The following FARP2 variants were observed in gnomAD, a reference collection of about 807,000 sequenced individuals.
FARP2 encodes the protein FERM, ARH/RhoGEF and pleckstrin domain protein 2, also known as FERM, ARHGEF and pleckstrin domain-containing protein 2.
Under a neutral mutation model 130.5 loss-of-function variants are expected in FARP2, and 111 were observed. That is an observed-to-expected ratio of 0.85 (90% CI 0.73 to 1.00). The LOEUF (loss-of-function observed/expected upper bound fraction) is 1.00. Ranked by LOEUF, FARP2 falls within the 50% of genes least tolerant of loss-of-function variation. The probability of loss-of-function intolerance (pLI) is 0.00; values close to 1 mark genes in which losing one functional copy is unlikely to be tolerated. For missense variants in FARP2, 1,385 were observed against 1,346.3 expected (o/e 1.03, Z -0.45); for synonymous variants, 504 against 516.9 (o/e 0.98, Z 0.34).
chr2:241,386,209 C>T (rs2061779524), intron 2 of FARP2, among the ~76,000 whole-genome samples: 1 of 152,100 alleles, frequency 6.6e-6, no homozygotes, highest in African/African-American at 2.4e-5. Flanking sequence ...CTGCCCATCT[C>T]AGCCTTCCAA....
At position 241,409,141 on chromosome 2, in the gene FARP2, C is replaced by G. The variant is rs1472888962; in HGVS notation, c.410+1526C>G. 2.0e-5 allele frequency among the ~76,000 whole-genome samples: 3 copies of G among 152,110 alleles called. No homozygotes were observed. The East Asian group carries it at 5.8e-4, about 29-fold the overall frequency. On this transcript the variant is annotated intron_variant, in intron 5 of 26. Coordinates refer to ENST00000264042, the MANE Select transcript of FARP2 (RefSeq NM_014808.4). Reference sequence around the variant, plus strand: ...GGATCCTGGGTCTCAAGTTCTAGGACTCATGCTGATAACTCAGTATTATAG... The same window carrying G: ...GGATCCTGGGTCTCAAGTTCTAGGAGTCATGCTGATAACTCAGTATTATAG...
intron 24 of FARP2, among the ~76,000 whole-genome samples, chr2:241,492,325 G>A (rs1203280744): frequency 6.6e-6 from 1 of 152,176 alleles, no homozygotes; most frequent in Non-Finnish European, 1.5e-5. Context: ...GCAGGTCCCT[G>A]ACCTGGGCCC....
At chr2:241,378,026 G>A (rs982920829) in intron 2 of FARP2, among the ~76,000 whole-genome samples, 1 of 152,026 alleles carries the variant, frequency 6.6e-6, no homozygotes, top group African/African-American at 2.4e-5. Flanking sequence ...ATTTTTTTCT[G>A]ACTTTTTTAT....
intron 9 of FARP2, 33 bp from the exon 10 acceptor site, chr2:241,434,125 T>C: frequency 1.3e-6 from 2 of 1,531,104 alleles, no homozygotes; most frequent in Non-Finnish European, 1.8e-6. Flanking sequence ...TACTTCATTC[T>C]TGAATTAATT....
chr2:241,429,798 A>T (rs2063047523), intron 8 of FARP2, among the ~76,000 whole-genome samples: 3 of 152,154 alleles, frequency 2.0e-5, no homozygotes, highest in Non-Finnish European at 4.4e-5. Context: ...AAAATAGAAA[A>T]TTAGCCAGGA....
At chr2:241,417,749 A>C (rs1033808906) in intron 7 of FARP2, among the ~76,000 whole-genome samples, 1 of 152,232 alleles carries the variant, frequency 6.6e-6, no homozygotes, top group Non-Finnish European at 1.5e-5. Flanking sequence ...ACCCGTTACA[A>C]AGTAGTTACA....
intron 3 of FARP2, among the ~76,000 whole-genome samples, 186 bp from the exon 4 acceptor site, chr2:241,404,613 G>A (rs928465277): frequency 6.6e-6 from 1 of 152,176 alleles, no homozygotes; most frequent in Non-Finnish European, 1.5e-5. Context: ...GCTTCCCAAA[G>A]CAGGCATTGC....
At chr2:241,426,547 C>T (rs1045267693) in intron 8 of FARP2, among the ~76,000 whole-genome samples, 2 of 152,108 alleles carry the variant, frequency 1.3e-5, no homozygotes, top group African/African-American at 4.8e-5. Context: ...CATAAATGTG[C>T]TTTTCAGAAA....
chr2:241,408,668 T>G (rs1339426620), intron 5 of FARP2, among the ~76,000 whole-genome samples: 1 of 152,188 alleles, frequency 6.6e-6, no homozygotes, highest in African/African-American at 2.4e-5. Flanking sequence ...AGGAATAACC[T>G]AAAAAGCAAC....
intron 13 of FARP2, chr2:241,441,833 TCTC>T (rs1354544349): frequency 7.4e-6 from 4 of 542,770 alleles, no homozygotes; most frequent in African/African-American, 5.7e-5. Context: ...CCAGCAGACA[TCTC>T]CTTCTTTGCT....
At chr2:241,379,990 C>G (rs925490260) in intron 2 of FARP2, among the ~76,000 whole-genome samples, 2 of 152,132 alleles carry the variant, frequency 1.3e-5, no homozygotes, top group African/African-American at 4.8e-5. Flanking sequence ...TGTTGGCACT[C>G]CCAGAGCCAG....
At chr2:241,391,219 A>G (rs1427904492) in intron 2 of FARP2, among the ~76,000 whole-genome samples, 1 of 152,238 alleles carries the variant, frequency 6.6e-6, no homozygotes, top group Non-Finnish European at 1.5e-5. Context: ...CTCAGATGCT[A>G]AGTAAAAGAC....
At chr2:241,452,394 T>C (rs996051897) in intron 13 of FARP2, among the ~76,000 whole-genome samples, 4 of 152,108 alleles carry the variant, frequency 2.6e-5, no homozygotes, top group African/African-American at 9.7e-5. Context: ...CAGTTGCTTG[T>C]TTTAAAAATA....
At chr2:241,448,494 A>AT (rs1455608138) in intron 13 of FARP2, among the ~76,000 whole-genome samples, 1 of 152,200 alleles carries the variant, frequency 6.6e-6, no homozygotes, top group Admixed American at 6.5e-5. Flanking sequence ...CCTTGCCTCC[A>AT]TTGTTCCAAT....
chr2:241,388,350 T>G (rs927192966), intron 2 of FARP2, among the ~76,000 whole-genome samples: 1 of 152,210 alleles, frequency 6.6e-6, no homozygotes. Flanking sequence ...CTTCCACAGA[T>G]GGTGCCTAGG....
chr2:241,428,049 A>G (rs980264535), intron 8 of FARP2, among the ~76,000 whole-genome samples: 1 of 152,092 alleles, frequency 6.6e-6, no homozygotes, highest in African/African-American at 2.4e-5. Flanking sequence ...TACAGGCATG[A>G]GCCACCACGC....
chr2:241,364,853 C>T (rs979095056), intron 1 of FARP2, among the ~76,000 whole-genome samples: 4 of 152,184 alleles, frequency 2.6e-5, no homozygotes, highest in Non-Finnish European at 4.4e-5. Flanking sequence ...CTGAGAGAAA[C>T]TTCTCTAGTA....
chr2:241,457,112 C>CT (rs1028364278), intron 14 of FARP2, among the ~76,000 whole-genome samples, 190 bp downstream of exon 14: 26 of 152,340 alleles, frequency 1.7e-4, no homozygotes, highest in African/African-American at 6.0e-4. Flanking sequence ...CTTCCTGAGA[C>CT]TTTCCTCTTA....
intron 2 of FARP2, among the ~76,000 whole-genome samples, chr2:241,388,728 A>G (rs1007799505): frequency 5.3e-5 from 8 of 152,074 alleles, no homozygotes; most frequent in African/African-American, 1.9e-4. Context: ...CTTGGGAGGC[A>G]GAGGTGGGAG....
Sources: gnomAD v4.1 joint callset for allele counts (sites outside exome capture counted in the v4.1 genomes callset) on GRCh38, gnomAD v4.1.1 for gene constraint, MANE v1.5 for transcripts, NCBI Gene and HGNC (gene_info 2026-07-23, HGNC 2026-07-21) for gene names.